Variants in ZNF292 observed in about 807,000 individuals in gnomAD.
The protein encoded by ZNF292 is zinc finger protein 292, also known as 16 zinc-finger domain protein.
Under a neutral mutation model 217.9 loss-of-function variants are expected in ZNF292, and 26 were observed. The observed-to-expected ratio is 0.12, with a 90% confidence interval of 0.09 to 0.17. The LOEUF is 0.17. ZNF292 is among the 10% of genes least tolerant of loss of function. The pLI is 1.00. For synonymous variants in ZNF292, 1,257 were observed against 1,124.1 expected, an observed-to-expected ratio of 1.12 and a Z score of -2.37; for missense variants, 2,904 against 3,175.2, an observed-to-expected ratio of 0.91 and a Z score of 2.05.
rs1160938481 is a variant in ZNF292, at chr6:87,245,111, C to T, written c.879-392C>T. Among the ~76,000 whole-genome samples, 3 of 152,030 alleles carry T rather than the reference C, an allele frequency of 2.0e-5. No individual in the cohort carries two copies. In the South Asian group the frequency reaches 6.2e-4, roughly 32 times the overall value. On this transcript the variant is annotated intron_variant, in intron 6 of 7. Transcript: ENST00000369577. ...CAAAAATTAACCAGGCATGGCAGTG[C>T]GCGCCTGTAATCCCAGCTACTCAGG... is the stretch of plus-strand genomic sequence containing the variant.
intron 4 of ZNF292, among the ~76,000 whole-genome samples, chr6:87,226,710 C>T (rs1773371023): frequency 6.7e-6 from 1 of 148,280 alleles, no homozygotes; most frequent in Non-Finnish European, 1.5e-5. Flanking sequence ...GACGGAGTCT[C>T]CCTCTGTCGC....
In ZNF292 at chr6:87,256,690, T is replaced by G. The variant is rs146673055; in HGVS notation, c.3061T>G (p.Leu1021Val). Residue 1021 changes from leucine to valine, a missense_variant, in exon 8 of 8, where the codon TTA (leucine) becomes GTA (valine). Around this residue, in one of 15 missense-constraint regions of ZNF292, gnomAD observed 687 missense variants for 623.0 expected, o/e 1.10. Coordinates refer to ENST00000369577, the MANE Select transcript of ZNF292 (RefSeq NM_015021.3). ...LKIGDLTPQN[L>V]ERQVNNLMTF... ...AATAGGTGACCTTACCCCACAAAAC[T>G]TAGAAAGACAAGTGAACAACTTGAT... 2.7e-5 allele frequency: 44 copies of G among 1,613,204 alleles called. No homozygotes were observed. In the East Asian group the frequency reaches 8.5e-4, roughly 31 times the overall value.
intron 7 of ZNF292, among the ~76,000 whole-genome samples, chr6:87,253,866 C>A (rs1450889412): frequency 1.3e-5 from 2 of 152,186 alleles, no homozygotes; most frequent in Non-Finnish European, 2.9e-5. Context: ...TTGTTCCCTT[C>A]TGGTCTTTAA....
rs531832279 is a variant in ZNF292 at position 87,202,146 on chromosome 6, G to A, written c.169-13757G>A. Reference sequence around the variant, plus strand: ...GCATTGCTTTGACTTTTTAAATATGGCTCATATTGTCATCTTTAACTTGTC... The same window carrying A: ...GCATTGCTTTGACTTTTTAAATATGACTCATATTGTCATCTTTAACTTGTC... On this transcript the variant is annotated intron_variant, in intron 1 of 7. Transcript: ENST00000369577. Among the ~76,000 whole-genome samples, 5 of 152,128 alleles carry A rather than the reference G, an allele frequency of 3.3e-5. No individual in the cohort carries two copies. The East Asian group carries it at 9.6e-4, about 29-fold the overall frequency.
rs747453781 is a variant in ZNF292, at chr6:87,261,736, G to A, written c.8107G>A (p.Asp2703Asn). ...GAAAAAACTTGAAGTACATTCAAAT[G>A]ATCCAGATATGTCTGTTATGAAAGA... ...SLKKLEVHSN[D>N]PDMSVMKDIS... Residue 2703 changes from aspartate (D) to asparagine (N), a missense_variant, in exon 8 of 8, where the codon GAT becomes AAT. Asp to Asn is a conservative substitution (Grantham distance 23). Around this residue, in one of 15 missense-constraint regions of ZNF292, gnomAD observed 380 missense variants for 355.3 expected, o/e 1.07. Coordinates refer to ENST00000369577, the MANE Select transcript of ZNF292 (RefSeq NM_015021.3). 1 of 1,612,976 alleles carries A rather than the reference G, an allele frequency of 6.2e-7. No homozygotes were observed. The highest frequency in any genetic ancestry group is 8.5e-7 in the Non-Finnish European group (1 of 1,179,292).
At chr6:87,239,307 C>T (rs1295695226) in intron 5 of ZNF292, among the ~76,000 whole-genome samples, 9 of 151,276 alleles carry the variant, frequency 5.9e-5, no homozygotes, top group South Asian at 2.1e-4. Context: ...TGGGCAGAGG[C>T]GCCCCCCCAC....
At chr6:87,197,533 G>A (rs1184243341) in intron 1 of ZNF292, among the ~76,000 whole-genome samples, 4 of 150,684 alleles carry the variant, frequency 2.7e-5, no homozygotes, top group African/African-American at 7.3e-5. Flanking sequence ...TCGGGAGTTC[G>A]AGACCAGTCT....
chr6:87,185,822 A>G (rs1439118832), intron 1 of ZNF292, among the ~76,000 whole-genome samples: 2 of 152,086 alleles, frequency 1.3e-5, no homozygotes, highest in African/African-American at 4.8e-5. Flanking sequence ...CTAATTTATT[A>G]TAAAGGATTT....
chr6:87,176,388 G>A (rs1276693584), intron 1 of ZNF292, among the ~76,000 whole-genome samples: 6 of 152,174 alleles, frequency 3.9e-5, no homozygotes, highest in Non-Finnish European at 7.4e-5. Context: ...GATTCTTAAT[G>A]TTCCTGTGTT....
At chr6:87,239,651 AGGGGCTCCT>A (rs1332579590) in intron 5 of ZNF292, among the ~76,000 whole-genome samples, 1 of 113,018 alleles carries the variant, frequency 8.8e-6, no homozygotes, top group African/African-American at 4.4e-5. Context: ...TGCCGGGCGG[AGGGGCTCCT>A]CACTTCTCAG....
intron 5 of ZNF292, among the ~76,000 whole-genome samples, chr6:87,237,467 C>T (rs1422837529): frequency 1.5e-4 from 23 of 152,184 alleles, no homozygotes; most frequent in Non-Finnish European, 1.5e-5. Context: ...GTCTCAAGCT[C>T]CTGAGCTCAG....
In ZNF292 at chr6:87,256,571, T is replaced by C. The variant is rs1214057821; in HGVS notation, c.2942T>C (p.Leu981Ser). 7 of 1,613,660 alleles carry C rather than the reference T, an allele frequency of 4.3e-6. No individual in the cohort carries two copies. The Admixed American group carries it at 1.0e-4, about 23-fold the overall frequency. Residue 981 changes from leucine (L) to serine (S), a missense_variant, in exon 8 of 8, where the codon TTG becomes TCG. Transcript: ENST00000369577. ...HTPVEDTCND[L>S]CHPGFQERKE... Reference sequence around the variant, plus strand: ...CCAGTTGAAGATACTTGTAATGATTTGTGTCATCCAGGTTTCCAGGAGAGA... The same window carrying C: ...CCAGTTGAAGATACTTGTAATGATTCGTGTCATCCAGGTTTCCAGGAGAGA...
intron 1 of ZNF292, among the ~76,000 whole-genome samples, chr6:87,165,203 C>G (rs1449111077): frequency 6.6e-6 from 1 of 152,092 alleles, no homozygotes; most frequent in Non-Finnish European, 1.5e-5. Context: ...TTTAACATTC[C>G]TTTTGGTTTT....
At chr6:87,194,331 G>GA (rs140413082) in intron 1 of ZNF292, among the ~76,000 whole-genome samples, 17,098 of 151,850 alleles carry the variant, frequency 0.11, 1,914 homozygotes, top group African/African-American at 0.29. Flanking sequence ...TTTAAAGAGT[G>GA]AAAAATGAAA....
Position 87,257,948 on chromosome 6 carries a change from C to G in ZNF292, c.4319C>G (p.Ser1440Cys). The G allele has an allele frequency of 6.2e-7, 1 of 1,613,970 alleles. No individual in the cohort carries two copies. The highest frequency in any genetic ancestry group is 1.3e-5 in the African/African-American group (1 of 75,062). Residue 1440 changes from serine to cysteine, a missense_variant, in exon 8 of 8, where the codon TCT becomes TGT. Coordinates refer to ENST00000369577, the MANE Select transcript of ZNF292 (RefSeq NM_015021.3). ...GTAAATTTGCAGCAGCCACAACAAT[C>G]TACCTTCAATCCAGAAGCATGTTTT... ...NAVNLQQPQQ[S>C]TFNPEACFKD...
At position 87,243,280 on chromosome 6, in the gene ZNF292, G is replaced by GTTT. The variant is rs58565257; in HGVS notation, c.742-180_742-178dup. Reference sequence around the variant, plus strand: ...AAATTTCTACTGGCTATAAAGAAAGGTTTTTTTTTTTTTTTTTAACTGCAG... The same window carrying GTTT: ...AAATTTCTACTGGCTATAAAGAAAGGTTTTTTTTTTTTTTTTTTTTAACTGCAG... On this transcript the variant is annotated intron_variant, in intron 5 of 7. Transcript: ENST00000369577. Among the ~76,000 whole-genome samples, 350 of 136,246 alleles carry GTTT rather than the reference G, an allele frequency of 2.6e-3. 3 individuals carry two copies. Among genetic ancestry groups the GTTT allele is most frequent in the African/African-American group, 8.6e-3 (318 of 36,812 alleles). The allele number at this position is 136,246 out of a possible 152,430, so 89.4% of individuals were successfully genotyped here.
At chr6:87,177,944 T>C (rs1459708541) in intron 1 of ZNF292, among the ~76,000 whole-genome samples, 1 of 152,196 alleles carries the variant, frequency 6.6e-6, no homozygotes, top group South Asian at 2.1e-4. Flanking sequence ...ATATCTCTTA[T>C]TTTTTTGTAG....
chr6:87,160,745 AC>A (rs1187604295), intron 1 of ZNF292, among the ~76,000 whole-genome samples: 1 of 151,856 alleles, frequency 6.6e-6, no homozygotes, highest in Non-Finnish European at 1.5e-5. Flanking sequence ...TGGGCATAGT[AC>A]TTTCCCTACC....
intron 4 of ZNF292, among the ~76,000 whole-genome samples, chr6:87,225,468 A>G (rs1019151976): frequency 1.3e-5 from 2 of 152,102 alleles, no homozygotes; most frequent in African/African-American, 2.4e-5. Flanking sequence ...AGATTTTTCT[A>G]TGGTCTTTTC....
Sources: gnomAD v4.1 joint callset for allele counts (sites outside exome capture counted in the v4.1 genomes callset) on GRCh38, gnomAD v4.1.1 for gene constraint, gnomAD v4.1.1 regional missense constraint, MANE v1.5 for transcripts, NCBI Gene and HGNC (gene_info 2026-07-23, HGNC 2026-07-21) for gene names.